The following AKAP13 variants were observed in gnomAD, a reference collection of about 807,000 sequenced individuals.
AKAP13 encodes the protein A-kinase anchor protein 13.
A neutral mutation model predicts 264.5 loss-of-function variants in AKAP13; 80 were observed. That is an observed-to-expected ratio of 0.30 (90% CI 0.25 to 0.36). The LOEUF is 0.36. Among genes scored for constraint, AKAP13 ranks in the 10% least tolerant of loss-of-function variants. AKAP13 has a pLI of 1.00. For synonymous variants in AKAP13, 1,380 were observed against 1,250.2 expected (o/e 1.10, Z -2.19); for missense variants, 3,712 against 3,435.2 (o/e 1.08, Z -2.01).
intron 17 of AKAP13, among the ~76,000 whole-genome samples, chr15:85,704,082 C>T (rs753932316): frequency 5.9e-5 from 9 of 152,104 alleles, no homozygotes; most frequent in African/African-American, 1.2e-4. Context: ...GGTAATTCCT[C>T]AACTTGTGTC....
intron 14 of AKAP13, among the ~76,000 whole-genome samples, chr15:85,673,157 A>AT: frequency 2.0e-5 from 3 of 152,296 alleles, no homozygotes; most frequent in Admixed American, 2.0e-4. Context: ...CATTTGCTAG[A>AT]TTAGAAAAAC....
intron 2 of AKAP13, among the ~76,000 whole-genome samples, chr15:85,495,627 T>G (rs1182533694): frequency 3.9e-5 from 6 of 152,208 alleles, no homozygotes. Context: ...GATTTCAATT[T>G]TTTCCAAGGC....
In AKAP13 at chr15:85,428,434, G is replaced by C. The variant is rs368289329; in HGVS notation, c.-12+47636G>C. Among the ~76,000 whole-genome samples, 44 of 152,222 alleles carry C rather than the reference G, an allele frequency of 2.9e-4. 1 individual carries two copies. In the East Asian group the frequency reaches 5.8e-3, roughly 20 times the overall value. ...GGCTGGTCTCAAACCCTCCACCTTA[G>C]GTGATCTGCCTGCCTCGGCCTCCCA... On this transcript the variant is annotated intron_variant, in intron 1 of 36. Coordinates refer to ENST00000394518, the MANE Select transcript of AKAP13 (RefSeq NM_007200.5).
intron 19 of AKAP13, among the ~76,000 whole-genome samples, chr15:85,711,060 G>A (rs1363364783): frequency 7.9e-5 from 12 of 151,794 alleles, no homozygotes; most frequent in Non-Finnish European, 1.6e-4. Flanking sequence ...CTGTCGCCCA[G>A]GCTGGAGTAC....
At chr15:85,594,063 T>C (rs994305770) in intron 8 of AKAP13, among the ~76,000 whole-genome samples, 1 of 152,244 alleles carries the variant, frequency 6.6e-6, no homozygotes, top group Non-Finnish European at 1.5e-5. Flanking sequence ...AATCTCATTT[T>C]AAAGTAACTC....
intron 1 of AKAP13, among the ~76,000 whole-genome samples, chr15:85,420,152 G>T (rs951821340): frequency 1.3e-5 from 2 of 151,554 alleles, no homozygotes; most frequent in Non-Finnish European, 2.9e-5. Flanking sequence ...CGCTTTAGCC[G>T]GGATGGTCTC....
intron 4 of AKAP13, chr15:85,534,430 G>C (rs1311421651): frequency 2.6e-5 from 4 of 152,818 alleles, no homozygotes; most frequent in African/African-American, 9.7e-5. Flanking sequence ...AGGACTTTTT[G>C]TTTGTTTTTT....
At chr15:85,410,541 C>T (rs1829182134) in intron 1 of AKAP13, among the ~76,000 whole-genome samples, 1 of 151,648 alleles carries the variant, frequency 6.6e-6, no homozygotes. Flanking sequence ...CAGTTATTTT[C>T]TTCCCTGGTC....
At chr15:85,445,861 AT>A (rs1332386039) in intron 1 of AKAP13, among the ~76,000 whole-genome samples, 4 of 152,136 alleles carry the variant, frequency 2.6e-5, no homozygotes, top group Non-Finnish European at 5.9e-5. Context: ...ATAATTGTAC[AT>A]TTTTATGGGG....
At chr15:85,696,113 G>A (rs935526709) in intron 17 of AKAP13, among the ~76,000 whole-genome samples, 23 of 152,184 alleles carry the variant, frequency 1.5e-4, no homozygotes, top group African/African-American at 5.1e-4. Context: ...CTAAAAATAA[G>A]TCTCAGAATT....
chr15:85,440,715 A>G (rs1431477857), intron 1 of AKAP13, among the ~76,000 whole-genome samples: 1 of 152,180 alleles, frequency 6.6e-6, no homozygotes, highest in Non-Finnish European at 1.5e-5. Flanking sequence ...CCTTTTTGCT[A>G]TGAAAGCTGC....
intron 4 of AKAP13, among the ~76,000 whole-genome samples, chr15:85,541,813 C>G (rs928760313): frequency 6.6e-6 from 1 of 152,172 alleles, no homozygotes; most frequent in Admixed American, 6.5e-5. Flanking sequence ...ATCTGTTATC[C>G]TCAGAAAGGG....
chr15:85,539,662 A>G (rs530348797), intron 4 of AKAP13, among the ~76,000 whole-genome samples: 36 of 152,282 alleles, frequency 2.4e-4, no homozygotes, highest in African/African-American at 8.2e-4. Flanking sequence ...ACTTTTTTGC[A>G]GATCTGAGGG....
At chr15:85,577,626 G>C (rs1025728214) in intron 6 of AKAP13, 1 of 182,864 alleles carries the variant, frequency 5.5e-6, no homozygotes, top group African/African-American at 2.4e-5. Flanking sequence ...GGTTATATCT[G>C]TTTATATTTT....
rs567954669 is a variant in AKAP13 at position 85,688,278 on chromosome 15, A to C, written c.5289+3405A>C. 5.6e-4 allele frequency among the ~76,000 whole-genome samples: 86 copies of C among 152,310 alleles called. 1 individual carries two copies. The highest frequency in any genetic ancestry group is 5.0e-3 in the Admixed American group (77 of 15,300). On this transcript the variant is annotated intron_variant, in intron 16 of 36. Coordinates refer to ENST00000394518, the MANE Select transcript of AKAP13 (RefSeq NM_007200.5). ...ACTTCTCCATAATGTTAACAAATTG[A>C]AAGTGCTACTATGGATATTGACACT...
intron 1 of AKAP13, among the ~76,000 whole-genome samples, chr15:85,479,324 CATTG>C (rs1340830071): frequency 6.6e-6 from 1 of 152,202 alleles, no homozygotes; most frequent in Non-Finnish European, 1.5e-5. Flanking sequence ...AAGAGCTGAA[CATTG>C]ACTCTTTTAC....
chr15:85,624,548 C>T (rs1175096357), intron 8 of AKAP13: 3 of 152,220 alleles, frequency 2.0e-5, no homozygotes, highest in Non-Finnish European at 2.9e-5. Context: ...TATAGCCACT[C>T]AGATACTGTC....
chr15:85,705,291 G>A (rs1242034277), intron 17 of AKAP13, among the ~76,000 whole-genome samples: 1 of 152,074 alleles, frequency 6.6e-6, no homozygotes, highest in Non-Finnish European at 1.5e-5. Context: ...GGAACTGGTT[G>A]GGAAGAAAGG....
chr15:85,662,276 G>A (rs987413297), intron 12 of AKAP13: 79 of 1,010,166 alleles, frequency 7.8e-5, no homozygotes, highest in Middle Eastern at 4.2e-4. Context: ...TTTGTTGATC[G>A]CATAAATCCG....
Sources: allele counts gnomAD v4.1 joint callset (sites outside exome capture counted in the v4.1 genomes callset), GRCh38; gene constraint gnomAD v4.1.1; transcripts MANE v1.5; gene names NCBI Gene and HGNC (gene_info 2026-07-23, HGNC 2026-07-21).